TNPO2: variants seen among roughly 807,000 people sequenced by gnomAD.
The protein encoded by TNPO2 is transportin 2, also known as transportin-2.
A neutral mutation model predicts 111.1 loss-of-function variants in TNPO2; 16 were observed. That is an observed-to-expected ratio of 0.14 (90% CI 0.10 to 0.22). The LOEUF (loss-of-function observed/expected upper bound fraction) is 0.22, where lower values mean the gene tolerates loss of function less well. Among genes scored for constraint, TNPO2 ranks in the 10% least tolerant of loss-of-function variants. TNPO2 has a pLI of 1.00. For synonymous variants in TNPO2, 481 were observed against 475.8 expected (o/e 1.01, Z -0.14); for missense variants, 530 against 1,173.7 (o/e 0.45, Z 8.01).
Position 12,715,479 on chromosome 19 carries a change from G to A in TNPO2, c.492C>T (p.Asp164=), listed in dbSNP as rs750683905. Residue 164 remains aspartate, a synonymous_variant, in exon 7 of 26, where the codon GAC becomes GAT. Transcript: ENST00000425528. The surrounding 1 kb of genome is among the most constrained non-coding windows in gnomAD (Gnocchi z 7.1). Reference sequence around the variant, plus strand: ...TGATGTTGAGGGGCCTGTTGAGGGCGTCACTGTCCAGAAGCTCTGATGAGT... The same window carrying A: ...TGATGTTGAGGGGCCTGTTGAGGGCATCACTGTCCAGAAGCTCTGATGAGT... ...CEDSSELLDS[D]ALNRPLNIMI... is the part of the protein sequence containing the mutation. 4.4e-5 allele frequency: 71 copies of A among 1,613,808 alleles called. No individual in the cohort carries two copies. Among genetic ancestry groups the A allele is most frequent in the South Asian group, 2.2e-4 (20 of 91,088 alleles).
At position 12,706,168 on chromosome 19, in the gene TNPO2, G is replaced by A. The variant is rs751369651; in HGVS notation, c.1668+28C>T. ...TGGATGCCCAGGGGCACGGGGATCG[G>A]GAGGCGGGAGCCGCTCTGGGGTCTC... On this transcript the variant is annotated intron_variant, in intron 15 of 25. Transcript: ENST00000425528. The surrounding 1 kb of genome is among the most constrained non-coding windows in gnomAD (Gnocchi z 7.0). 8 of 1,607,606 alleles carry A rather than the reference G, an allele frequency of 5.0e-6. No individual in the cohort carries two copies. The Admixed American group carries it at 1.2e-4, about 24-fold the overall frequency.
rs1015066404 is a variant in TNPO2 at position 12,721,162 on chromosome 19, C to T, written c.-13-172G>A. On this transcript the variant is annotated intron_variant, in intron 2 of 25. Transcript: ENST00000425528. The surrounding 1 kb of genome is among the most constrained non-coding windows in gnomAD (Gnocchi z 4.9). ...GCGGGGTCCCCGCCAGCTGCGCCATCCTCGGCCGCGCAGTCGCGGGCTCGG... is the reference window on the plus strand; with the variant it reads ...GCGGGGTCCCCGCCAGCTGCGCCATTCTCGGCCGCGCAGTCGCGGGCTCGG... 1.8e-5 allele frequency: 25 copies of T among 1,413,578 alleles called. No homozygotes were observed. Among genetic ancestry groups the T allele is most frequent in the Non-Finnish European group, 2.1e-5 (23 of 1,091,882 alleles). The allele number at this position is 1,413,578 out of a possible 1,614,324, so 87.6% of individuals were successfully genotyped here. A position where few individuals can be genotyped will look rare whatever the true frequency, so the allele number is the denominator to read the frequency against.
chr19:12,715,850 G>C lies in TNPO2; in HGVS notation c.326-111C>G. 1 of 780,246 alleles carries C rather than the reference G, an allele frequency of 1.3e-6. No individual in the cohort carries two copies. The highest frequency in any genetic ancestry group is 2.0e-6 in the Non-Finnish European group (1 of 487,902). 48.3% of individuals were successfully genotyped at this position (780,246 alleles called of 1,614,324 possible). On this transcript the variant is annotated intron_variant, in intron 5 of 25. Transcript: ENST00000425528. The surrounding 1 kb of genome is among the most constrained non-coding windows in gnomAD (Gnocchi z 7.1). Reference sequence around the variant, plus strand: ...CCTTTCTGTTCCCTAGCCCATGTACGCCCTCTACATCCCCCCTCCTTTTTT... The same window carrying C: ...CCTTTCTGTTCCCTAGCCCATGTACCCCCTCTACATCCCCCCTCCTTTTTT...
rs762777881 is a variant in TNPO2 at position 12,711,620 on chromosome 19, A to G, written c.891-7T>C. 9 of 1,612,882 alleles carry G rather than the reference A, an allele frequency of 5.6e-6. No homozygotes were observed. The highest frequency in any genetic ancestry group is 7.6e-6 in the Non-Finnish European group (9 of 1,179,468). The stretch of plus-strand genomic sequence containing the variant: ...CACCAAGATGGGGATCAACCTGCAC[A>G]GAGAGGGACTGTTTATGGGGATGCA... On this transcript the variant is annotated splice_region_variant and splice_polypyrimidine_tract_variant and intron_variant, in intron 10 of 25. Transcript: ENST00000425528.
At position 12,708,569 on chromosome 19, in the gene TNPO2, A is replaced by G. The variant is rs1228901388; in HGVS notation, c.1271-1774T>C. On this transcript the variant is annotated intron_variant, in intron 13 of 25. Coordinates refer to ENST00000425528, the MANE Select transcript of TNPO2 (RefSeq NM_001382241.1). ...CTCAACTCCTATAGATCTTTTTACC[A>G]TAAACATGTAATACAGGCCGGGTGC... Among the ~76,000 whole-genome samples the G allele has an allele frequency of 3.3e-5, 5 of 152,070 alleles. No homozygotes were observed. The South Asian group carries it at 6.2e-4, about 19-fold the overall frequency.
intron 10 of TNPO2, among the ~76,000 whole-genome samples, chr19:12,714,494 A>C (rs972666185): frequency 6.6e-6 from 1 of 151,744 alleles, no homozygotes; most frequent in African/African-American, 2.4e-5. Context: ...TTATATTTTT[A>C]GTAGAAATGG....
At chr19:12,704,150 TGAG>T (rs2025487977) in intron 18 of TNPO2, among the ~76,000 whole-genome samples, 1 of 152,166 alleles carries the variant, frequency 6.6e-6, no homozygotes. Context: ...GCAGATCACT[TGAG>T]GTCAGGAGTT....
At chr19:12,710,247 C>T (rs748168153) in intron 13 of TNPO2, among the ~76,000 whole-genome samples, 1 of 152,198 alleles carries the variant, frequency 6.6e-6, no homozygotes, top group East Asian at 1.9e-4. Context: ...CTTTCTGTAC[C>T]TCAGTTTCCC....
Position 12,702,377 on chromosome 19 carries a change from T to C in TNPO2, c.2306-200A>G. 1.4e-6 allele frequency: 1 copy of C among 690,682 alleles called. No homozygotes were observed. The highest frequency in any genetic ancestry group is 2.6e-6 in the Non-Finnish European group (1 of 379,234). 42.8% of individuals were successfully genotyped at this position (690,682 alleles called of 1,614,324 possible). On this transcript the variant is annotated intron_variant, in intron 21 of 25. Transcript: ENST00000425528. The surrounding 1 kb of genome is among the most constrained non-coding windows in gnomAD (Gnocchi z 5.5). ...TCTATCTTTCTTTCTTTCCTTTCCC[T>C]TTCCTTTTTGTTTTTTTTTGTTTTG...
In TNPO2 at chr19:12,701,295, A is replaced by G; in HGVS notation, c.*20+31T>C. ...CCTGGGACCTTTCGGCCCCCAAGAC[A>G]GTGCTGACTTGCCAGCTGCAGTCTC... On this transcript the variant is annotated intron_variant, in intron 25 of 25. Transcript: ENST00000425528. This position sits in a 1 kb window ranked among gnomAD's most constrained non-coding sequence, Gnocchi z 5.0. 5.4e-6 allele frequency: 8 copies of G among 1,476,008 alleles called. No individual in the cohort carries two copies. The highest frequency in any genetic ancestry group is 7.5e-6 in the Non-Finnish European group (8 of 1,059,790). 91.4% of individuals were successfully genotyped at this position (1,476,008 alleles called of 1,614,324 possible). A position where few individuals can be genotyped will look rare whatever the true frequency, so the allele number is the denominator to read the frequency against.
rs1162156108 is a variant in TNPO2, at chr19:12,721,359, C to G, written c.-13-369G>C. 2.4e-6 allele frequency: 3 copies of G among 1,227,014 alleles called. No individual in the cohort carries two copies. Among genetic ancestry groups the G allele is most frequent in the Non-Finnish European group, 1.1e-6 (1 of 943,864 alleles). 76.0% of individuals were successfully genotyped at this position (1,227,014 alleles called of 1,614,324 possible). On this transcript the variant is annotated intron_variant, in intron 2 of 25. Transcript: ENST00000425528. The surrounding 1 kb of genome is among the most constrained non-coding windows in gnomAD (Gnocchi z 4.9). ...CGCAGCGGCTGGGCGAGGGCCCAGC[C>G]GCCTCCACATCCAGGGGCCCCGCCC...
rs940701672 is a variant in TNPO2, at chr19:12,702,722, T to G, written c.2305+101A>C. On this transcript the variant is annotated intron_variant, in intron 21 of 25. Coordinates refer to ENST00000425528, the MANE Select transcript of TNPO2 (RefSeq NM_001382241.1). This position sits in a 1 kb window ranked among gnomAD's most constrained non-coding sequence, Gnocchi z 5.5. ...TTCCAGGTACTTCCAGACACCCTCC[T>G]TGGTTCCTTGACAAGGCTCTTTCTG... The G allele has an allele frequency of 1.9e-6, 2 of 1,078,292 alleles. No individual in the cohort carries two copies. Among genetic ancestry groups the G allele is most frequent in the African/African-American group, 3.2e-5 (2 of 63,052 alleles). The allele number at this position is 1,078,292 out of a possible 1,614,324, so 66.8% of individuals were successfully genotyped here.
chr19:12,710,472 A>G lies in TNPO2; in HGVS notation c.1270+149T>C, dbSNP rs999778460. On this transcript the variant is annotated intron_variant, in intron 13 of 25. Coordinates refer to ENST00000425528, the MANE Select transcript of TNPO2 (RefSeq NM_001382241.1). ...GGCTCCAGGGGTTCCTTTCAGGCCC[A>G]GGAACCAAGGGGAGAATTGAGATCT... 28 of 949,768 alleles carry G rather than the reference A, an allele frequency of 2.9e-5. 1 individual carries two copies. The highest frequency in any genetic ancestry group is 4.3e-5 in the Non-Finnish European group (28 of 656,386). 58.8% of individuals were successfully genotyped at this position (949,768 alleles called of 1,614,324 possible). A position where few individuals can be genotyped will look rare whatever the true frequency, so the allele number is the denominator to read the frequency against.
rs1421965332 is a variant in TNPO2 at position 12,710,792 on chromosome 19, T to C, written c.1118-19A>G. ...CACTTCCCTGGGGAAGGGGGAACAATGGGGAGGCTCAGGGCGGCCCCTCAG... is the reference window on the plus strand; with the variant it reads ...CACTTCCCTGGGGAAGGGGGAACAACGGGGAGGCTCAGGGCGGCCCCTCAG... On this transcript the variant is annotated intron_variant, in intron 12 of 25. Transcript: ENST00000425528. 1 of 1,599,622 alleles carries C rather than the reference T, an allele frequency of 6.3e-7. No homozygotes were observed. Among genetic ancestry groups the C allele is most frequent in the Non-Finnish European group, 8.5e-7 (1 of 1,172,786 alleles).
rs1157537757 is a variant in TNPO2 at position 12,705,198 on chromosome 19, G to A, written c.2022+42C>T. 10 of 1,568,324 alleles carry A rather than the reference G, an allele frequency of 6.4e-6. No individual in the cohort carries two copies. The highest frequency in any genetic ancestry group is 2.2e-4 in the Middle Eastern group (1 of 4,516). On this transcript the variant is annotated intron_variant, in intron 18 of 25. Transcript: ENST00000425528. This position sits in a 1 kb window ranked among gnomAD's most constrained non-coding sequence, Gnocchi z 7.2. ...TGACTCCCCACCAGGGGCAGCCCACGCAGGCTGCTGGGTGTCATCACTGTC... is the reference window on the plus strand; with the variant it reads ...TGACTCCCCACCAGGGGCAGCCCACACAGGCTGCTGGGTGTCATCACTGTC...
rs1284326969 is a variant in TNPO2, at chr19:12,701,924, G to A, written c.2412-73C>T. On this transcript the variant is annotated intron_variant, in intron 22 of 25. Transcript: ENST00000425528. The surrounding 1 kb of genome is among the most constrained non-coding windows in gnomAD (Gnocchi z 5.0). ...ATCTGTGGAGGGCTGGGTCACTGGG[G>A]ATCAGTGAGTGGGCCTGGGACATGC... The A allele has an allele frequency of 1.4e-6, 2 of 1,447,806 alleles. No individual in the cohort carries two copies. Among genetic ancestry groups the A allele is most frequent in the African/African-American group, 2.8e-5 (2 of 71,918 alleles). 89.7% of individuals were successfully genotyped at this position (1,447,806 alleles called of 1,614,324 possible). A position where few individuals can be genotyped will look rare whatever the true frequency, so the allele number is the denominator to read the frequency against.
chr19:12,721,167 G>A lies in TNPO2; in HGVS notation c.-13-177C>T. Reference sequence around the variant, plus strand: ...GTCCCCGCCAGCTGCGCCATCCTCGGCCGCGCAGTCGCGGGCTCGGGAGCG... The same window carrying A: ...GTCCCCGCCAGCTGCGCCATCCTCGACCGCGCAGTCGCGGGCTCGGGAGCG... On this transcript the variant is annotated intron_variant, in intron 2 of 25. Transcript: ENST00000425528. The surrounding 1 kb of genome is among the most constrained non-coding windows in gnomAD (Gnocchi z 4.9). The A allele has an allele frequency of 2.8e-6, 4 of 1,408,084 alleles. No homozygotes were observed. Among genetic ancestry groups the A allele is most frequent in the Middle Eastern group, 2.4e-4 (1 of 4,106 alleles). 87.2% of individuals were successfully genotyped at this position (1,408,084 alleles called of 1,614,324 possible). A position where few individuals can be genotyped will look rare whatever the true frequency, so the allele number is the denominator to read the frequency against.
intron 3 of TNPO2, among the ~76,000 whole-genome samples, chr19:12,720,154 T>C (rs2026597070): frequency 6.6e-6 from 1 of 152,044 alleles, no homozygotes; most frequent in Admixed American, 6.6e-5. Flanking sequence ...TTAGCTGAGA[T>C]TACAGGCTTC....
At chr19:12,712,420 G>A (rs58076232) in intron 10 of TNPO2, among the ~76,000 whole-genome samples, 1,698 of 152,266 alleles carry the variant, frequency 0.011, 28 homozygotes, top group African/African-American at 0.039. Flanking sequence ...AGGTTTGCCC[G>A]CAGTTATCCG....
Sources: allele counts gnomAD v4.1 joint callset (sites outside exome capture counted in the v4.1 genomes callset), GRCh38; gene constraint gnomAD v4.1.1; non-coding constraint Gnocchi (gnomAD v3.1); transcripts MANE v1.5; gene names NCBI Gene and HGNC (gene_info 2026-07-23, HGNC 2026-07-21).